HELZ: variants seen among roughly 807,000 people sequenced by gnomAD.
HELZ encodes helicase with zinc finger.
HELZ carries 23 observed loss-of-function variants against 218.2 expected under a neutral mutation model. That is an observed-to-expected ratio of 0.11 (90% CI 0.08 to 0.15). The LOEUF is 0.15. Ranked by LOEUF, HELZ falls within the 10% of genes least tolerant of loss-of-function variation. The pLI, the probability that HELZ is intolerant of heterozygous loss-of-function variation, is 1.00. For synonymous variants in HELZ, 814 were observed against 829.4 expected (o/e 0.98, Z 0.32); for missense variants, 1,813 against 2,353.7 (o/e 0.77, Z 4.75).
intron 31 of HELZ, among the ~76,000 whole-genome samples, chr17:67,088,688 T>C (rs1353063726): frequency 6.6e-6 from 1 of 152,224 alleles, no homozygotes; most frequent in Non-Finnish European, 1.5e-5. Context: ...TAATTTCTTT[T>C]TTCATATAAT....
chr17:67,207,210 C>A (rs1020969598), intron 5 of HELZ, among the ~76,000 whole-genome samples: 1 of 125,268 alleles, frequency 8.0e-6, no homozygotes, highest in African/African-American at 3.3e-5. Context: ...CCACGCCCGG[C>A]CTTTTTTTTT....
chr17:67,129,404 C>T (rs1019859141), intron 23 of HELZ, among the ~76,000 whole-genome samples: 1 of 151,912 alleles, frequency 6.6e-6, no homozygotes, highest in African/African-American at 2.4e-5. Context: ...ATAGATACCA[C>T]ATGTATGTGT....
intron 5 of HELZ, among the ~76,000 whole-genome samples, chr17:67,207,021 T>A (rs1803129834): frequency 6.8e-6 from 1 of 146,256 alleles, no homozygotes; most frequent in Non-Finnish European, 1.5e-5. Context: ...CAAGCGACTA[T>A]CCTACCTCAG....
intron 19 of HELZ, 34 bp downstream of exon 19, chr17:67,149,833 T>A: frequency 2.5e-6 from 3 of 1,195,998 alleles, no homozygotes; most frequent in Non-Finnish European, 3.6e-6. Flanking sequence ...TAATTAAAAG[T>A]TACTTTCAAC....
intron 28 of HELZ, among the ~76,000 whole-genome samples, 200 bp downstream of exon 28, chr17:67,114,124 A>G (rs1459337676): frequency 6.6e-6 from 1 of 152,254 alleles, no homozygotes; most frequent in Non-Finnish European, 1.5e-5. Flanking sequence ...GAATTTGAGA[A>G]AAGTATACTG....
At chr17:67,190,776 T>G (rs149015690) in intron 9 of HELZ, among the ~76,000 whole-genome samples, 1,649 of 152,312 alleles carry the variant, frequency 0.011, 19 homozygotes, top group South Asian at 0.018. Context: ...AGTGGCGTAA[T>G]CTCGACTCAC....
At chr17:67,086,702 T>A (rs2036403419) in intron 32 of HELZ, 127 bp downstream of exon 32, 1 of 731,156 alleles carries the variant, frequency 1.4e-6, no homozygotes, top group East Asian at 2.8e-5. Context: ...CTATGAGCTA[T>A]TAGCATCATT....
At chr17:67,119,881 G>A (rs879042582) in intron 27 of HELZ, 1 of 384,616 alleles carries the variant, frequency 2.6e-6, no homozygotes, top group African/African-American at 2.2e-5. Context: ...TAAGTGGTAG[G>A]ATTTAACCTA....
rs2038425810 is a variant in HELZ, at chr17:67,144,304, A to C, written c.2769+1439T>G. Among the ~76,000 whole-genome samples the C allele has an allele frequency of 2.0e-5, 3 of 152,074 alleles. No homozygotes were observed. In the South Asian group the frequency reaches 6.2e-4, roughly 32 times the overall value. On this transcript the variant is annotated intron_variant, in intron 21 of 32. Coordinates refer to ENST00000358691, the MANE Select transcript of HELZ (RefSeq NM_014877.4). ...CCCCTTGCAGGAAGAGTCCTGGAGCAATGTGTCTCAAAATTTTTGACTACA... is the reference window on the plus strand; with the variant it reads ...CCCCTTGCAGGAAGAGTCCTGGAGCCATGTGTCTCAAAATTTTTGACTACA...
At chr17:67,244,719 G>C (rs1021450106) in intron 1 of HELZ, 19 of 984,808 alleles carry the variant, frequency 1.9e-5, no homozygotes, top group East Asian at 1.1e-4. Flanking sequence ...AGGCCTGAGG[G>C]GGGGCATCGA....
intron 15 of HELZ, among the ~76,000 whole-genome samples, chr17:67,165,596 G>C (rs986818906): frequency 1.3e-5 from 2 of 152,180 alleles, no homozygotes; most frequent in African/African-American, 2.4e-5. Flanking sequence ...TTGAGCATGG[G>C]CAGGTGCTAA....
intron 12 of HELZ, among the ~76,000 whole-genome samples, chr17:67,184,662 T>C (rs1252752281): frequency 6.6e-6 from 1 of 151,870 alleles, no homozygotes; most frequent in African/African-American, 2.4e-5. Context: ...AATTAACTTT[T>C]TTAATTAGCC....
At chr17:67,085,839 A>T (rs1318845775) in intron 32 of HELZ, among the ~76,000 whole-genome samples, 1 of 152,242 alleles carries the variant, frequency 6.6e-6, no homozygotes, top group Non-Finnish European at 1.5e-5. Context: ...AACAGAGGAA[A>T]GATCAAAGCG....
chr17:67,109,778 T>C (rs2037224409), intron 28 of HELZ, 92 bp from the exon 29 acceptor site: 2 of 834,340 alleles, frequency 2.4e-6, no homozygotes, highest in Non-Finnish European at 3.7e-6. Flanking sequence ...CTAAAGGATA[T>C]GATACATTGA....
At chr17:67,094,442 T>C (rs1162985788) in intron 31 of HELZ, among the ~76,000 whole-genome samples, 1 of 150,422 alleles carries the variant, frequency 6.6e-6, no homozygotes, top group East Asian at 2.0e-4. Flanking sequence ...GCAGGTTTGG[T>C]GAGAGAGACA....
In HELZ at chr17:67,148,731, T is replaced by C. The variant is rs1044124707; in HGVS notation, c.2476-17A>G. On this transcript the variant is annotated splice_polypyrimidine_tract_variant and intron_variant, in intron 19 of 32. Coordinates refer to ENST00000358691, the MANE Select transcript of HELZ (RefSeq NM_014877.4). ...AGGACTGAGCTGTAACAGACAAACA[T>C]ACAGAGAAAGTTTAACTGAACATAC... 1 of 1,592,530 alleles carries C rather than the reference T, an allele frequency of 6.3e-7. No homozygotes were observed. The highest frequency in any genetic ancestry group is 1.4e-5 in the African/African-American group (1 of 73,866).
At chr17:67,119,327 A>T (rs1020187662) in intron 27 of HELZ, among the ~76,000 whole-genome samples, 1 of 152,188 alleles carries the variant, frequency 6.6e-6, no homozygotes, top group African/African-American at 2.4e-5. Flanking sequence ...GGAACAAACA[A>T]CTGACACATA....
intron 27 of HELZ, among the ~76,000 whole-genome samples, chr17:67,118,551 T>C (rs2037496361): frequency 6.6e-6 from 1 of 151,946 alleles, no homozygotes; most frequent in African/African-American, 2.4e-5. Context: ...CTTTGAAAGA[T>C]ACTGTTAAGA....
At chr17:67,100,790 AAG>A (rs894453516) in intron 31 of HELZ, among the ~76,000 whole-genome samples, 1 of 152,012 alleles carries the variant, frequency 6.6e-6, no homozygotes. Flanking sequence ...TTCAAAAAAT[AAG>A]AGAGAGAGAG....
Sources: allele counts gnomAD v4.1 joint callset (sites outside exome capture counted in the v4.1 genomes callset), GRCh38; gene constraint gnomAD v4.1.1; transcripts MANE v1.5; gene names NCBI Gene and HGNC (gene_info 2026-07-23, HGNC 2026-07-21).